CRY2: variants seen among roughly 807,000 people sequenced by gnomAD.
The protein encoded by CRY2 is cryptochrome-2.
In CRY2, 31 loss-of-function variants were observed where a neutral mutation model predicts 69.5. That is an observed-to-expected ratio of 0.45 (90% CI 0.34 to 0.60). The LOEUF (loss-of-function observed/expected upper bound fraction) is 0.60. CRY2 is among the 20% of genes least tolerant of loss of function. The pLI is 0.02. For synonymous variants in CRY2, 303 were observed against 312.2 expected (o/e 0.97, Z 0.31); for missense variants, 606 against 797.8 (o/e 0.76, Z 2.90).
At chr11:45,866,195 C>A (rs947574616) in intron 5 of CRY2, among the ~76,000 whole-genome samples, 1 of 152,196 alleles carries the variant, frequency 6.6e-6, no homozygotes, top group African/African-American at 2.4e-5. Flanking sequence ...CTCCCTTGAG[C>A]TGCCTGAGAG....
chr11:45,883,046 C>T lies in CRY2; in HGVS notation c.*2135C>T, dbSNP rs1238775358. ...CTGGAGCTCCATGGTGGCTTCATGC[C>T]TCCCTTCTCCCAGCTCAGGTGGCCC... On this transcript the variant is annotated 3_prime_UTR_variant, in exon 12 of 12. Coordinates refer to ENST00000616080, the MANE Select transcript of CRY2 (RefSeq NM_021117.5). 2 of 256,282 alleles carry T rather than the reference C, an allele frequency of 7.8e-6. No homozygotes were observed. The highest frequency in any genetic ancestry group is 2.2e-5 in the African/African-American group (1 of 45,350). 15.9% of individuals were successfully genotyped at this position (256,282 alleles called of 1,614,324 possible).
rs2086469383 is a variant in CRY2 at position 45,881,205 on chromosome 11, C to G, written c.*294C>G. The G allele has an allele frequency of 6.6e-6, 1 of 152,344 alleles. No homozygotes were observed. The highest frequency in any genetic ancestry group is 1.5e-5 in the Non-Finnish European group (1 of 68,076). The allele number at this position is 152,344 out of a possible 1,614,324, so 9.4% of individuals were successfully genotyped here. A position where few individuals can be genotyped will look rare whatever the true frequency, so the allele number is the denominator to read the frequency against. On this transcript the variant is annotated 3_prime_UTR_variant, in exon 12 of 12. Coordinates refer to ENST00000616080, the MANE Select transcript of CRY2 (RefSeq NM_021117.5). ...TATGGCAGTGACTTTCAGCTGAGAC[C>G]TGTTCCTGCAAGCCAGCTGCCTTGT...
chr11:45,874,563 T>C (rs1299781864), intron 11 of CRY2, among the ~76,000 whole-genome samples: 1 of 152,162 alleles, frequency 6.6e-6, no homozygotes. Flanking sequence ...ATTGAGGGTA[T>C]GGTTGTATAC....
chr11:45,847,182 G>C, upstream of CRY2: 2 of 1,548,734 alleles, frequency 1.3e-6, no homozygotes, highest in Non-Finnish European at 1.7e-6. Context: ...CTTGAGACTT[G>C]GCCTACTCCC....
rs559870325 is a variant in CRY2 at position 45,847,870 on chromosome 11, A to G, written c.215+165A>G. On this transcript the variant is annotated intron_variant, in intron 1 of 11. Coordinates refer to ENST00000616080, the MANE Select transcript of CRY2 (RefSeq NM_021117.5). ...CATGGTCCTAACGCGCCGGTGGGCC[A>G]GGGTTCAGCCTCTGACAAAGCGCGT... Among the ~76,000 whole-genome samples, 4 of 152,334 alleles carry G rather than the reference A, an allele frequency of 2.6e-5. No individual in the cohort carries two copies. The South Asian group carries it at 8.3e-4, about 32-fold the overall frequency.
chr11:45,872,586 C>CATA (rs542258455), intron 11 of CRY2, among the ~76,000 whole-genome samples: 1,642 of 151,438 alleles, frequency 0.011, 58 homozygotes, highest in Admixed American at 0.082. Context: ...TCTCTAAAAA[C>CATA]ATAATAATAA....
At chr11:45,876,424 A>G (rs1384396963) in intron 11 of CRY2, among the ~76,000 whole-genome samples, 1 of 152,258 alleles carries the variant, frequency 6.6e-6, no homozygotes, top group Admixed American at 6.5e-5. Context: ...CACTAAACTG[A>G]AAAACAAGCC....
chr11:45,859,800 G>T (rs917300871), intron 3 of CRY2, among the ~76,000 whole-genome samples: 1 of 152,112 alleles, frequency 6.6e-6, no homozygotes, highest in African/African-American at 2.4e-5. Flanking sequence ...TGCTGCTGCT[G>T]CCAAGCCAGC....
chr11:45,872,510 G>A (rs2086394056), intron 11 of CRY2, among the ~76,000 whole-genome samples: 1 of 152,110 alleles, frequency 6.6e-6, no homozygotes, highest in Non-Finnish European at 1.5e-5. Context: ...GGAGGCCAAG[G>A]TGGGAGGATC....
rs200192037 is a variant in CRY2 at position 45,870,921 on chromosome 11, C to T, written c.1629C>T (p.Ser543=). Residue 543 remains serine, a synonymous_variant, in exon 10 of 12, where the codon AGC becomes AGT. Transcript: ENST00000616080. ...AGCCCAGCTCGAGCCAGGCTGGCAGCATGAGCAGTGCAGGTGAGCAGCAGC... is the reference window on the plus strand; with the variant it reads ...AGCCCAGCTCGAGCCAGGCTGGCAGTATGAGCAGTGCAGGTGAGCAGCAGC... ...VAEPSSSQAG[S]MSSAGPRPLP... 3.0e-5 allele frequency: 48 copies of T among 1,611,208 alleles called. No individual in the cohort carries two copies. In the East Asian group the frequency reaches 1.0e-3, roughly 34 times the overall value.
chr11:45,871,244 C>T (rs2086379513), intron 10 of CRY2, among the ~76,000 whole-genome samples: 1 of 152,164 alleles, frequency 6.6e-6, no homozygotes, highest in Admixed American at 6.5e-5. Flanking sequence ...CTGCCACACA[C>T]TGAGAAAATA....
At chr11:45,871,420 G>A (rs1317641722) in intron 10 of CRY2, among the ~76,000 whole-genome samples, 1 of 152,138 alleles carries the variant, frequency 6.6e-6, no homozygotes, top group Non-Finnish European at 1.5e-5. Context: ...CCTGATGTCC[G>A]AGACGAGGAC....
chr11:45,879,597 T>G (rs7949978), intron 11 of CRY2, among the ~76,000 whole-genome samples: 1 of 152,232 alleles, frequency 6.6e-6, no homozygotes, highest in Non-Finnish European at 1.5e-5. Context: ...CAGATGTGGA[T>G]TTCCTTTTTT....
intron 3 of CRY2, among the ~76,000 whole-genome samples, chr11:45,860,056 C>A (rs576663093): frequency 6.6e-6 from 1 of 152,210 alleles, no homozygotes; most frequent in African/African-American, 2.4e-5. Context: ...GCGTAAGCTA[C>A]TTCTTGGCCA....
rs752759191 is a variant in CRY2, at chr11:45,847,507, C to T, written c.17C>T (p.Ala6Val). 3.8e-6 allele frequency: 6 copies of T among 1,593,146 alleles called. No homozygotes were observed. The highest frequency in any genetic ancestry group is 2.3e-5 in the East Asian group (1 of 44,376). MAATV[A>V]TAAAVAPAPA... The stretch of plus-strand genomic sequence containing the variant: ...TGGACAGTCATGGCGGCGACTGTGG[C>T]GACGGCGGCAGCTGTGGCCCCGGCG... Residue 6 changes from alanine (A) to valine (V), a missense_variant, in exon 1 of 12, where the codon GCG (alanine) becomes GTG (valine). Physicochemically the swap from Ala to Val is moderately conservative, Grantham distance 64. Coordinates refer to ENST00000616080, the MANE Select transcript of CRY2 (RefSeq NM_021117.5).
At chr11:45,863,401 A>C in intron 5 of CRY2, among the ~76,000 whole-genome samples, 1 of 151,984 alleles carries the variant, frequency 6.6e-6, no homozygotes, top group Non-Finnish European at 1.5e-5. Context: ...CTCCTTTTCC[A>C]CATACCCCCA....
Position 45,862,130 on chromosome 11 carries a change from T to C in CRY2, c.723T>C (p.Asp241=). The part of the protein sequence containing the change: ...GGETEALARL[D]KHLERKAWVA... The stretch of plus-strand genomic sequence containing the variant: ...AGACAGAAGCTCTGGCCCGCCTGGA[T>C]AAGCACTTGGAACGGAAGGTATGGG... Residue 241 remains aspartate (D), a synonymous_variant, in exon 5 of 12, where the codon GAT becomes GAC. Transcript: ENST00000616080. 6.2e-7 allele frequency: 1 copy of C among 1,613,858 alleles called. No individual in the cohort carries two copies.
chr11:45,847,803 G>A, intron 1 of CRY2, 98 bp downstream of exon 1: 2 of 1,408,604 alleles, frequency 1.4e-6, no homozygotes, highest in Non-Finnish European at 1.9e-6. Flanking sequence ...GCCACGGCTG[G>A]AAGGCCAGAG....
chr11:45,875,760 C>A (rs923894862), intron 11 of CRY2, among the ~76,000 whole-genome samples: 1 of 152,188 alleles, frequency 6.6e-6, no homozygotes, highest in Non-Finnish European at 1.5e-5. Flanking sequence ...AAGAAGAGTA[C>A]ACCATGTCTC....
Sources: allele counts gnomAD v4.1 joint callset (sites outside exome capture counted in the v4.1 genomes callset), GRCh38; gene constraint gnomAD v4.1.1; transcripts MANE v1.5; gene names NCBI Gene and HGNC (gene_info 2026-07-23, HGNC 2026-07-21).